The following DENND5B variants were observed in gnomAD, a reference collection of about 807,000 sequenced individuals.
DENND5B encodes the protein DENN domain-containing protein 5B.
Under a neutral mutation model 140.6 loss-of-function variants are expected in DENND5B, and 34 were observed. That is an observed-to-expected ratio of 0.24 (90% CI 0.18 to 0.32). The LOEUF is 0.32. Among genes scored for constraint, DENND5B ranks in the 10% least tolerant of loss-of-function variants. The pLI is 1.00. For missense variants in DENND5B, 1,142 were observed against 1,560.2 expected, an observed-to-expected ratio of 0.73 and a Z score of 4.52; for synonymous variants, 551 against 562.1, an observed-to-expected ratio of 0.98 and a Z score of 0.28.
chr12:31,492,558 T>C (rs1946572213), intron 2 of DENND5B, among the ~76,000 whole-genome samples: 2 of 152,344 alleles, frequency 1.3e-5, no homozygotes, highest in South Asian at 4.1e-4. Context: ...AGAACCTCAC[T>C]TTGAATACCA....
At chr12:31,545,588 G>A (rs977961710) in intron 1 of DENND5B, among the ~76,000 whole-genome samples, 1 of 152,152 alleles carries the variant, frequency 6.6e-6, no homozygotes, top group Non-Finnish European at 1.5e-5. Flanking sequence ...CCTCTAAAAT[G>A]TATGTAGTAA....
intron 1 of DENND5B, among the ~76,000 whole-genome samples, chr12:31,551,159 T>A (rs915037900): frequency 6.6e-6 from 1 of 152,188 alleles, no homozygotes; most frequent in African/African-American, 2.4e-5. Flanking sequence ...CTGAATGGTA[T>A]TGCCTAGGTT....
At chr12:31,496,597 C>A in intron 1 of DENND5B, among the ~76,000 whole-genome samples, 1 of 152,146 alleles carries the variant, frequency 6.6e-6, no homozygotes, top group Non-Finnish European at 1.5e-5. Flanking sequence ...GGCACAGTAG[C>A]TCATGCCTGT....
chr12:31,530,958 T>C (rs1948258466), intron 1 of DENND5B, among the ~76,000 whole-genome samples: 1 of 152,108 alleles, frequency 6.6e-6, no homozygotes, highest in Non-Finnish European at 1.5e-5. Flanking sequence ...ATAATAAGAA[T>C]AGGTAAAATT....
At chr12:31,489,166 A>G (rs1345470589) in intron 2 of DENND5B, among the ~76,000 whole-genome samples, 1 of 152,200 alleles carries the variant, frequency 6.6e-6, no homozygotes, top group Admixed American at 6.5e-5. Context: ...GTTATACCAT[A>G]TAACTTAGAA....
At chr12:31,451,337 T>TTTA (rs1944511195) in intron 5 of DENND5B, among the ~76,000 whole-genome samples, 2 of 151,984 alleles carry the variant, frequency 1.3e-5, no homozygotes, top group South Asian at 4.1e-4. Context: ...TTATTTATTT[T>TTTA]TTTTGAGATG....
chr12:31,429,440 G>A (rs1050792805), intron 8 of DENND5B, among the ~76,000 whole-genome samples: 5 of 152,030 alleles, frequency 3.3e-5, no homozygotes, highest in East Asian at 3.9e-4. Flanking sequence ...ACGAAGTCTC[G>A]TTCTGTCACC....
At chr12:31,531,486 G>A (rs909879512) in intron 1 of DENND5B, among the ~76,000 whole-genome samples, 4 of 152,214 alleles carry the variant, frequency 2.6e-5, no homozygotes, top group African/African-American at 4.8e-5. Context: ...GTGAGCCACC[G>A]TGCCCAGCCA....
At chr12:31,535,463 C>CA (rs1457237427) in intron 1 of DENND5B, among the ~76,000 whole-genome samples, 1 of 152,022 alleles carries the variant, frequency 6.6e-6, no homozygotes, top group African/African-American at 2.4e-5. Context: ...CACTCTGACT[C>CA]AGTTTGTCTG....
intron 3 of DENND5B, among the ~76,000 whole-genome samples, chr12:31,472,925 A>G (rs1468362349): frequency 5.3e-5 from 8 of 151,556 alleles, no homozygotes; most frequent in Non-Finnish European, 7.4e-5. Flanking sequence ...CTGTTGCACC[A>G]AAATCTTCTA....
intron 7 of DENND5B, among the ~76,000 whole-genome samples, chr12:31,437,765 T>G (rs1943844439): frequency 6.6e-6 from 1 of 152,150 alleles, no homozygotes; most frequent in African/African-American, 2.4e-5. Context: ...ATTAAAAAAT[T>G]CAAATTTCTA....
intron 1 of DENND5B, among the ~76,000 whole-genome samples, chr12:31,531,885 T>C (rs1948301350): frequency 6.6e-6 from 1 of 152,182 alleles, no homozygotes; most frequent in African/African-American, 2.4e-5. Context: ...AGGCTACTTA[T>C]TTGGAGACAT....
intron 1 of DENND5B, among the ~76,000 whole-genome samples, chr12:31,507,919 A>C (rs573715538): frequency 1.3e-5 from 2 of 152,322 alleles, no homozygotes; most frequent in South Asian, 4.1e-4. Context: ...AATTAGAAAC[A>C]CATTATTAAT....
chr12:31,557,058 C>G (rs1196456430), intron 1 of DENND5B, among the ~76,000 whole-genome samples: 1 of 152,052 alleles, frequency 6.6e-6, no homozygotes, highest in Non-Finnish European at 1.5e-5. Context: ...ACATGGTATT[C>G]TAGATAATGT....
At chr12:31,400,237 T>A (rs900719476) in intron 15 of DENND5B, among the ~76,000 whole-genome samples, 21 of 152,186 alleles carry the variant, frequency 1.4e-4, no homozygotes, top group African/African-American at 4.3e-4. Flanking sequence ...TTTTAGAAAA[T>A]TTTTTGTGGG....
intron 5 of DENND5B, among the ~76,000 whole-genome samples, chr12:31,449,500 A>G (rs1944413490): frequency 6.6e-6 from 1 of 152,166 alleles, no homozygotes; most frequent in South Asian, 2.1e-4. Context: ...TTAGGTCAAC[A>G]ACGATTTGGC....
intron 3 of DENND5B, among the ~76,000 whole-genome samples, chr12:31,460,690 G>A (rs1442616161): frequency 1.3e-5 from 2 of 152,092 alleles, no homozygotes; most frequent in African/African-American, 2.4e-5. Context: ...ACTGCTCTTG[G>A]CATTTATCCC....
chr12:31,402,380 C>G, intron 15 of DENND5B, 118 bp downstream of exon 15: 1 of 1,257,584 alleles, frequency 8.0e-7, no homozygotes, highest in Non-Finnish European at 1.1e-6. Context: ...AATGATCCTG[C>G]ACGCTTTGAG....
At position 31,460,372 on chromosome 12, in the gene DENND5B, C is replaced by T. The variant is rs760262988; in HGVS notation, c.914G>A (p.Arg305His). The T allele has an allele frequency of 3.0e-5, 49 of 1,613,304 alleles. No individual in the cohort carries two copies. Among genetic ancestry groups the T allele is most frequent in the Admixed American group, 1.2e-4 (7 of 59,956 alleles). ...GATGCCTTCTGCCACAGTCATCAGG[C>T]GTTGATAATCTGCACAGAACAAGGA... Reference protein sequence around the residue: ...QILLYSQDYQRLMTVAEGITT... With the variant: ...QILLYSQDYQHLMTVAEGITT... The change falls in exon 4 of 21, where the codon CGC becomes CAC. Residue 305 changes from arginine to histidine, a missense_variant. By Grantham distance (29) the Arg-to-His change is conservative (BLOSUM62 0). Around this residue, in one of 5 missense-constraint regions of DENND5B, gnomAD observed 708 missense variants for 905.5 expected, o/e 0.78. Transcript: ENST00000389082.
Sources: allele counts gnomAD v4.1 joint callset (sites outside exome capture counted in the v4.1 genomes callset), GRCh38; gene constraint gnomAD v4.1.1; regional missense constraint gnomAD v4.1.1; transcripts MANE v1.5; gene names NCBI Gene and HGNC (gene_info 2026-07-23, HGNC 2026-07-21).